Variants in USP3 observed in about 807,000 individuals in gnomAD.
USP3 encodes the protein ubiquitin specific peptidase 3, also known as ubiquitin carboxyl-terminal hydrolase 3.
USP3 carries 20 observed loss-of-function variants against 72.3 expected under a neutral mutation model. The observed-to-expected ratio is 0.28, with a 90% CI of 0.19 to 0.40. The LOEUF (loss-of-function observed/expected upper bound fraction) is 0.40, where lower values mean the gene tolerates loss of function less well. USP3 is among the 10% of genes least tolerant of loss of function. USP3 has a pLI of 1.00. For missense variants in USP3, 479 were observed against 633.9 expected, an observed-to-expected ratio of 0.76 and a Z score of 2.62; for synonymous variants, 222 against 225.3, an observed-to-expected ratio of 0.99 and a Z score of 0.13.
In USP3 at chr15:63,529,735, C is replaced by G. The variant is rs527690455; in HGVS notation, c.92-2912C>G. ...AAAGGAACACTTGGTAGGAAACATA[C>G]CCAAAGCAAAGTCACAGGGATTCTG... On this transcript the variant is annotated intron_variant, in intron 1 of 14. Transcript: ENST00000380324. The surrounding 1 kb of genome is among the most constrained non-coding windows in gnomAD (Gnocchi z 4.2). Among the ~76,000 whole-genome samples the G allele has an allele frequency of 6.6e-6, 1 of 152,136 alleles. No individual in the cohort carries two copies. The highest frequency in any genetic ancestry group is 1.9e-4 in the East Asian group (1 of 5,198).
At chr15:63,541,626 T>G (rs779701587) in intron 3 of USP3, among the ~76,000 whole-genome samples, 13 of 152,290 alleles carry the variant, frequency 8.5e-5, no homozygotes, top group Non-Finnish European at 1.6e-4. Flanking sequence ...TTTTCCATAA[T>G]TGGCTTATTT....
intron 5 of USP3, among the ~76,000 whole-genome samples, chr15:63,557,324 A>G (rs1256634221): frequency 1.3e-5 from 2 of 151,128 alleles, no homozygotes; most frequent in South Asian, 2.1e-4. Flanking sequence ...GTGCAGTGGC[A>G]CAATCTTGGC....
At chr15:63,552,224 A>G (rs575089746) in intron 3 of USP3, among the ~76,000 whole-genome samples, 2 of 152,356 alleles carry the variant, frequency 1.3e-5, no homozygotes, top group Admixed American at 6.5e-5. Flanking sequence ...TAAAATAAAA[A>G]TGTAAGCAGA....
At chr15:63,561,395 G>C (rs754442645) in intron 7 of USP3, among the ~76,000 whole-genome samples, 1 of 152,148 alleles carries the variant, frequency 6.6e-6, no homozygotes, top group African/African-American at 2.4e-5. Context: ...TCTGGAGTCC[G>C]AGGCAGCAGC....
At chr15:63,568,803 T>G (rs1278319160) in intron 8 of USP3, among the ~76,000 whole-genome samples, 1 of 152,204 alleles carries the variant, frequency 6.6e-6, no homozygotes, top group Non-Finnish European at 1.5e-5. Flanking sequence ...CCTGGTAAAT[T>G]TCACAAGTTG....
chr15:63,507,648 T>C (rs2065730946), intron 1 of USP3, among the ~76,000 whole-genome samples: 1 of 152,182 alleles, frequency 6.6e-6, no homozygotes, highest in African/African-American at 2.4e-5. Context: ...TTACAAGAAG[T>C]AAGAAGTAAT....
At chr15:63,561,804 C>A (rs1193463350) in intron 7 of USP3, among the ~76,000 whole-genome samples, 1 of 152,154 alleles carries the variant, frequency 6.6e-6, no homozygotes. Context: ...ATTCCAGGGA[C>A]CTATGTGATT....
intron 2 of USP3, among the ~76,000 whole-genome samples, chr15:63,535,272 A>T (rs1217160638): frequency 6.6e-6 from 1 of 152,176 alleles, no homozygotes. Flanking sequence ...ATACAGTTAC[A>T]TGTTATCTTG....
At chr15:63,522,934 A>C (rs1355680814) in intron 1 of USP3, among the ~76,000 whole-genome samples, 1 of 152,202 alleles carries the variant, frequency 6.6e-6, no homozygotes, top group South Asian at 2.1e-4. Context: ...GATGTATTCT[A>C]ATAAAGTTTT....
At chr15:63,536,453 A>AG (rs919071239) in intron 2 of USP3, among the ~76,000 whole-genome samples, 3 of 102,018 alleles carry the variant, frequency 2.9e-5, no homozygotes, top group African/African-American at 1.0e-4. Context: ...GTGGTCTGAG[A>AG]GAAAAAAAAA....
intron 1 of USP3, among the ~76,000 whole-genome samples, chr15:63,526,011 T>G (rs2065976395): frequency 6.6e-6 from 1 of 152,336 alleles, no homozygotes; most frequent in East Asian, 1.9e-4. Context: ...AAATTTAGAA[T>G]AAGTTCATTT....
At chr15:63,583,703 C>T (rs1201148726) in intron 11 of USP3, among the ~76,000 whole-genome samples, 1 of 152,170 alleles carries the variant, frequency 6.6e-6, no homozygotes, top group Non-Finnish European at 1.5e-5. Flanking sequence ...CTATTCTAGG[C>T]ACCTCATATA....
At chr15:63,536,086 C>T (rs73441191) in intron 2 of USP3, among the ~76,000 whole-genome samples, 302 of 152,256 alleles carry the variant, frequency 2.0e-3, no homozygotes, top group African/African-American at 7.0e-3. Flanking sequence ...TTCATTGTGC[C>T]TGCTGTAATA....
chr15:63,550,394 G>GA (rs761150346), intron 3 of USP3, among the ~76,000 whole-genome samples: 6 of 152,256 alleles, frequency 3.9e-5, no homozygotes, highest in Non-Finnish European at 8.8e-5. Flanking sequence ...TCCCACAGCA[G>GA]AAAAAATAAG....
At chr15:63,556,986 A>T (rs1595745318) in intron 5 of USP3, 1 of 369,362 alleles carries the variant, frequency 2.7e-6, no homozygotes, top group East Asian at 5.0e-5. Flanking sequence ...TTCCCTAGAA[A>T]ACAGTTCACT....
chr15:63,514,405 G>C (rs917267620), intron 1 of USP3, among the ~76,000 whole-genome samples: 1 of 152,084 alleles, frequency 6.6e-6, no homozygotes, highest in Non-Finnish European at 1.5e-5. Flanking sequence ...GAGTTTGCAG[G>C]TGCCTGTTTT....
At chr15:63,532,872 C>T (rs2066097646) in intron 2 of USP3, among the ~76,000 whole-genome samples, 165 bp downstream of exon 2, 1 of 152,102 alleles carries the variant, frequency 6.6e-6, no homozygotes. Flanking sequence ...TTCTGTGATA[C>T]AACTGGGGAA....
chr15:63,538,124 A>G (rs2066187232), intron 3 of USP3, among the ~76,000 whole-genome samples: 1 of 152,064 alleles, frequency 6.6e-6, no homozygotes. Context: ...GAACTAGGTT[A>G]TTTAGGTTGT....
Position 63,553,122 on chromosome 15 carries a change from A to T in USP3, c.285-593A>T, listed in dbSNP as rs1262112496. 6.6e-6 allele frequency among the ~76,000 whole-genome samples: 1 copy of T among 152,230 alleles called. No homozygotes were observed. Among genetic ancestry groups the T allele is most frequent in the Non-Finnish European group, 1.5e-5 (1 of 68,038 alleles). On this transcript the variant is annotated intron_variant, in intron 3 of 14. Transcript: ENST00000380324. The surrounding 1 kb of genome is among the most constrained non-coding windows in gnomAD (Gnocchi z 4.2). ...AAAGCACTTATCAGTTGCCTGAATG[A>T]TATAGCCACTATTTTATACTTTTGT...
Sources: allele counts gnomAD v4.1 joint callset (sites outside exome capture counted in the v4.1 genomes callset), GRCh38; gene constraint gnomAD v4.1.1; non-coding constraint Gnocchi (gnomAD v3.1); transcripts MANE v1.5; gene names NCBI Gene and HGNC (gene_info 2026-07-23, HGNC 2026-07-21).